The following RUFY2 variants were observed in gnomAD, a reference collection of about 807,000 sequenced individuals.
RUFY2 encodes RUN and FYVE domain containing 2, also known as RUN and FYVE domain-containing protein 2.
RUFY2 carries 49 observed loss-of-function variants against 94.4 expected under a neutral mutation model. The observed-to-expected ratio is 0.52, with a 90% confidence interval of 0.41 to 0.66. The LOEUF is 0.66. Among genes scored for constraint, RUFY2 ranks in the 30% least tolerant of loss-of-function variants. The pLI is 0.00. For synonymous variants in RUFY2, 255 were observed against 235.7 expected, an observed-to-expected ratio of 1.08 and a Z score of -0.75; for missense variants, 541 against 692.8, an observed-to-expected ratio of 0.78 and a Z score of 2.46.
At chr10:68,378,389 A>C in intron 12 of RUFY2, 1 of 1,235,146 alleles carries the variant, frequency 8.1e-7, no homozygotes. Flanking sequence ...TGGAAATCCA[A>C]GTGCACCCAC....
chr10:68,367,308 C>T (rs1246018959), intron 13 of RUFY2, among the ~76,000 whole-genome samples: 6 of 152,158 alleles, frequency 3.9e-5, no homozygotes, highest in Non-Finnish European at 5.9e-5. Flanking sequence ...GTATCCCAGT[C>T]GTGTTCTTCA....
At chr10:68,369,330 C>CA in intron 13 of RUFY2, among the ~76,000 whole-genome samples, 4 of 151,568 alleles carry the variant, frequency 2.6e-5, no homozygotes, top group Non-Finnish European at 1.5e-5. Context: ...ACAAAAAATA[C>CA]AAAATTTAGC....
At chr10:68,364,726 T>C (rs934308223) in intron 13 of RUFY2, among the ~76,000 whole-genome samples, 4 of 138,290 alleles carry the variant, frequency 2.9e-5, no homozygotes, top group Admixed American at 1.4e-4. Context: ...TTGTTCTTCT[T>C]TTTTTTTTTT....
At chr10:68,341,604 C>T, downstream of RUFY2, 2 of 1,611,990 alleles carry the variant, frequency 1.2e-6, no homozygotes, top group Non-Finnish European at 1.7e-6. Context: ...ATATTGAACT[C>T]TTCTTGAATT....
At chr10:68,347,060 A>C (rs2046326292) in intron 16 of RUFY2, among the ~76,000 whole-genome samples, 1 of 152,042 alleles carries the variant, frequency 6.6e-6, no homozygotes, top group African/African-American at 2.4e-5. Context: ...TTGAGGCTGC[A>C]GTGAACTATG....
intron 16 of RUFY2, 38 bp from the exon 17 acceptor site, chr10:68,346,122 A>G (rs1318720676): frequency 2.0e-6 from 3 of 1,497,944 alleles, no homozygotes; most frequent in Non-Finnish European, 2.7e-6. Context: ...AATTGGTAAC[A>G]CTAAAAATTA....
At position 68,384,149 on chromosome 10, in the gene RUFY2, C is replaced by A. The variant is rs1327346365; in HGVS notation, c.724G>T (p.Ala242Ser). 1.9e-6 allele frequency: 3 copies of A among 1,605,532 alleles called. No individual in the cohort carries two copies. The highest frequency in any genetic ancestry group is 2.5e-6 in the Non-Finnish European group (3 of 1,178,696). ...TTAATGATGTTATTCTTTGCTATTG[C>A]TAACTAAAAATTAAGAAACGGGCAA... is the stretch of plus-strand genomic sequence containing the variant. The part of the protein sequence containing the change: ...KSNTKLIEEL[A>S]IAKNNIIKLQ... Residue 242 changes from alanine to serine, a missense_variant, in exon 9 of 18, where the codon GCA becomes TCA. Ala to Ser is a moderately conservative substitution (Grantham distance 99). Around this residue, in one of 3 missense-constraint regions of RUFY2, gnomAD observed 403 missense variants for 480.7 expected, o/e 0.84. Coordinates refer to ENST00000602465, the MANE Select transcript of RUFY2 (RefSeq NM_001330103.2).
intron 15 of RUFY2, among the ~76,000 whole-genome samples, chr10:68,360,577 A>G (rs898376807): frequency 3.6e-4 from 54 of 151,984 alleles, no homozygotes; most frequent in Non-Finnish European, 7.5e-4. Context: ...CCCCATCTCT[A>G]CTACCAAAAT....
At chr10:68,367,967 CTTTTT>C (rs748208331) in intron 13 of RUFY2, among the ~76,000 whole-genome samples, 2 of 138,998 alleles carry the variant, frequency 1.4e-5, no homozygotes, top group Non-Finnish European at 3.1e-5. Context: ...TGTGGGTTGT[CTTTTT>C]TTTTTTTTTT....
intron 13 of RUFY2, among the ~76,000 whole-genome samples, chr10:68,364,314 C>T (rs2047655977): frequency 6.6e-6 from 1 of 152,160 alleles, no homozygotes; most frequent in Non-Finnish European, 1.5e-5. Flanking sequence ...GACTCATTTG[C>T]CAGCCACGAA....
At chr10:68,349,608 G>A (rs1164636212) in intron 16 of RUFY2, among the ~76,000 whole-genome samples, 5 of 151,034 alleles carry the variant, frequency 3.3e-5, no homozygotes, top group Admixed American at 6.6e-5. Context: ...GTGCAATCTC[G>A]GCTCACTGCA....
chr10:68,384,371 T>C (rs1183923363), intron 8 of RUFY2, among the ~76,000 whole-genome samples: 1 of 152,254 alleles, frequency 6.6e-6, no homozygotes, highest in African/African-American at 2.4e-5. Flanking sequence ...TTATTCCTAC[T>C]ATTTTCTTTT....
intron 2 of RUFY2, 101 bp downstream of exon 2, chr10:68,404,570 G>T: frequency 2.9e-6 from 2 of 682,000 alleles, no homozygotes; most frequent in Non-Finnish European, 4.3e-6. Context: ...ATTTTTTAGT[G>T]CACAGTAACG....
At chr10:68,343,166 T>C (rs1350807579), downstream of RUFY2, 2 of 152,224 alleles carry the variant, frequency 1.3e-5, no homozygotes, top group Non-Finnish European at 2.9e-5. Flanking sequence ...AGAAATGTTA[T>C]TAATAAATGT....
At chr10:68,381,463 A>G in intron 10 of RUFY2, 64 bp from the exon 11 acceptor site, 1 of 1,489,292 alleles carries the variant, frequency 6.7e-7, no homozygotes, top group Non-Finnish European at 9.1e-7. Context: ...GATATACTTT[A>G]AGAAAGATTT....
Position 68,344,359 on chromosome 10 carries a change from C to A in RUFY2, c.*1409G>T, listed in dbSNP as rs1056748984. 5 of 152,068 alleles carry A rather than the reference C, an allele frequency of 3.3e-5. No homozygotes were observed. Among genetic ancestry groups the A allele is most frequent in the African/African-American group, 1.2e-4 (5 of 41,390 alleles). The allele number at this position is 152,068 out of a possible 1,614,324, so 9.4% of individuals were successfully genotyped here. A position where few individuals can be genotyped will look rare whatever the true frequency, so the allele number is the denominator to read the frequency against. ...ATAATGCTCTTAATCCATAAATTTTCTATGTATTTTTTATAGGCTCACAAA... is the reference window on the plus strand; with the variant it reads ...ATAATGCTCTTAATCCATAAATTTTATATGTATTTTTTATAGGCTCACAAA... On this transcript the variant is annotated 3_prime_UTR_variant, in exon 18 of 18. Coordinates refer to ENST00000602465, the MANE Select transcript of RUFY2 (RefSeq NM_001330103.2).
At position 68,345,373 on chromosome 10, in the gene RUFY2, T is replaced by C. The variant is rs188451511; in HGVS notation, c.*395A>G. 7.8e-6 allele frequency: 3 copies of C among 385,870 alleles called. No individual in the cohort carries two copies. The highest frequency in any genetic ancestry group is 3.7e-5 in the East Asian group (1 of 27,028). 23.9% of individuals were successfully genotyped at this position (385,870 alleles called of 1,614,324 possible). A position where few individuals can be genotyped will look rare whatever the true frequency, so the allele number is the denominator to read the frequency against. On this transcript the variant is annotated 3_prime_UTR_variant, in exon 18 of 18. Transcript: ENST00000602465. The stretch of plus-strand genomic sequence containing the variant: ...AATATTAATAATTTTAAAAGTTTTA[T>C]GCGTTTCCAGTTTCAGAACTGTGAA...
chr10:68,406,441 A>G (rs902624791), intron 1 of RUFY2, among the ~76,000 whole-genome samples: 1 of 152,206 alleles, frequency 6.6e-6, no homozygotes, highest in African/African-American at 2.4e-5. Context: ...AGCCCATCAT[A>G]ATTCCTAACG....
At chr10:68,358,066 T>C (rs2047181564) in intron 15 of RUFY2, among the ~76,000 whole-genome samples, 1 of 152,080 alleles carries the variant, frequency 6.6e-6, no homozygotes, top group East Asian at 1.9e-4. Flanking sequence ...TATGCACCTG[T>C]AGTCCCAGCT....
Sources: gnomAD v4.1 joint callset for allele counts (sites outside exome capture counted in the v4.1 genomes callset) on GRCh38, gnomAD v4.1.1 for gene constraint, gnomAD v4.1.1 regional missense constraint, MANE v1.5 for transcripts, NCBI Gene and HGNC (gene_info 2026-07-23, HGNC 2026-07-21) for gene names.